Variants in SRGAP3 observed in about 807,000 individuals in gnomAD.
SRGAP3 encodes the protein SLIT-ROBO Rho GTPase-activating protein 3.
Under a neutral mutation model 121.1 loss-of-function variants are expected in SRGAP3, and 39 were observed. The observed-to-expected ratio is 0.32, with a 90% CI of 0.25 to 0.42. SRGAP3 has a LOEUF of 0.42. Among genes scored for constraint, SRGAP3 ranks in the 10% least tolerant of loss-of-function variants. The probability of loss-of-function intolerance (pLI) is 1.00; values close to 1 mark genes in which losing one functional copy is unlikely to be tolerated. For synonymous variants in SRGAP3, 601 were observed against 570.0 expected, an observed-to-expected ratio of 1.05 and a Z score of -0.77; for missense variants, 1,213 against 1,470.6, an observed-to-expected ratio of 0.82 and a Z score of 2.86.
intron 3 of SRGAP3, among the ~76,000 whole-genome samples, chr3:9,289,126 T>C (rs1184369574): frequency 6.6e-6 from 1 of 152,114 alleles, no homozygotes. Flanking sequence ...CTAGAACCCC[T>C]GACCTCAAGT....
intron 1 of SRGAP3, among the ~76,000 whole-genome samples, chr3:9,189,367 T>C (rs977530873): frequency 6.6e-5 from 10 of 152,252 alleles, no homozygotes; most frequent in African/African-American, 2.4e-4. Context: ...TCAAATCGTT[T>C]GTCCCGAGTC....
At chr3:9,064,108 C>A (rs1946306479) in intron 5 of SRGAP3, among the ~76,000 whole-genome samples, 1 of 152,208 alleles carries the variant, frequency 6.6e-6, no homozygotes, top group Admixed American at 6.5e-5. Flanking sequence ...GGGTGTGAAT[C>A]TCGTCACAGT....
At chr3:9,098,861 G>A (rs906054341) in intron 3 of SRGAP3, among the ~76,000 whole-genome samples, 2 of 152,150 alleles carry the variant, frequency 1.3e-5, no homozygotes, top group Non-Finnish European at 2.9e-5. Flanking sequence ...GATGATGACC[G>A]GCTTAGCAGG....
intron 3 of SRGAP3, among the ~76,000 whole-genome samples, chr3:9,260,899 T>G (rs1169994087): frequency 6.6e-6 from 1 of 152,240 alleles, no homozygotes; most frequent in Non-Finnish European, 1.5e-5. Flanking sequence ...CCGTGCCTCC[T>G]GACGGGGAGA....
chr3:9,175,130 C>G (rs1203136165), intron 1 of SRGAP3, among the ~76,000 whole-genome samples: 1 of 152,106 alleles, frequency 6.6e-6, no homozygotes, highest in Non-Finnish European at 1.5e-5. Flanking sequence ...TGTTTGTCAG[C>G]CAGATGTTCC....
chr3:9,316,599 G>A (rs1278669604), intron 3 of SRGAP3, among the ~76,000 whole-genome samples: 1 of 152,170 alleles, frequency 6.6e-6, no homozygotes, highest in South Asian at 2.1e-4. Flanking sequence ...GGCGGAGGTT[G>A]CAGTGAGCTG....
intron 3 of SRGAP3, among the ~76,000 whole-genome samples, chr3:9,302,595 C>T (rs1955080722): frequency 6.6e-6 from 1 of 152,172 alleles, no homozygotes; most frequent in Non-Finnish European, 1.5e-5. Flanking sequence ...GCTCTGAGCC[C>T]AGGGACATAC....
At chr3:9,050,500 T>A (rs753167908) in intron 9 of SRGAP3, among the ~76,000 whole-genome samples, 1 of 152,214 alleles carries the variant, frequency 6.6e-6, no homozygotes, top group Non-Finnish European at 1.5e-5. Context: ...TGCCATCAAA[T>A]TGCATTGATG....
At chr3:9,348,977 G>A in intron 1 of SRGAP3, 1 of 920,334 alleles carries the variant, frequency 1.1e-6, no homozygotes, top group Non-Finnish European at 1.8e-6. Context: ...GGGGAAGCAG[G>A]TACTAATTGC....
chr3:9,025,340 T>TA lies in SRGAP3; in HGVS notation c.1601-3dup. 6.2e-7 allele frequency: 1 copy of TA among 1,614,134 alleles called. No homozygotes were observed. Among genetic ancestry groups the TA allele is most frequent in the South Asian group, 1.1e-5 (1 of 91,074 alleles). On this transcript the variant is annotated splice_polypyrimidine_tract_variant and splice_region_variant and intron_variant, in intron 13 of 21. Transcript: ENST00000383836. ...TGAAGATCCCCTGCTGCTGGAGTCC[T>TA]AAAAAAGAAACATACAGAAAAAGAA...
chr3:9,319,496 A>G (rs1955405973), intron 3 of SRGAP3, among the ~76,000 whole-genome samples: 2 of 151,918 alleles, frequency 1.3e-5, no homozygotes, highest in South Asian at 4.1e-4. Flanking sequence ...CAGGCAGAGG[A>G]AAAAAACCAA....
intron 14 of SRGAP3, among the ~76,000 whole-genome samples, chr3:9,016,130 CACA>C (rs994250005): frequency 2.0e-4 from 31 of 152,244 alleles, no homozygotes; most frequent in African/African-American, 6.7e-4. Context: ...TGTATGTAAC[CACA>C]ACATTATTAC....
At chr3:9,339,438 A>G (rs2648549) in intron 1 of SRGAP3, among the ~76,000 whole-genome samples, 72,991 of 152,002 alleles carry the variant, frequency 0.48, 19,059 homozygotes, top group South Asian at 0.72. Context: ...GGGACTCAAT[A>G]AACACTAGTT....
At position 9,109,498 on chromosome 3, in the gene SRGAP3, G is replaced by A. The variant is rs1311984851; in HGVS notation, c.261-4656C>T. Among the ~76,000 whole-genome samples, 1 of 152,218 alleles carries A rather than the reference G, an allele frequency of 6.6e-6. No individual in the cohort carries two copies. Among genetic ancestry groups the A allele is most frequent in the African/African-American group, 2.4e-5 (1 of 41,450 alleles). On this transcript the variant is annotated intron_variant, in intron 2 of 21. Coordinates refer to ENST00000383836, the MANE Select transcript of SRGAP3 (RefSeq NM_014850.4). This position sits in a 1 kb window ranked among gnomAD's most constrained non-coding sequence, Gnocchi z 4.4. ...ACTCAAGTTGAAGTGAGCAGCTGCT[G>A]TGAAGATTCCTTCCAGCCCTCGTTC...
At chr3:9,224,816 G>A (rs1952932210) in intron 1 of SRGAP3, among the ~76,000 whole-genome samples, 1 of 152,202 alleles carries the variant, frequency 6.6e-6, no homozygotes, top group Non-Finnish European at 1.5e-5. Context: ...ACAGGGAGGG[G>A]CTGGCTGTGC....
At chr3:9,000,752 TG>T (rs1055195346) in intron 18 of SRGAP3, among the ~76,000 whole-genome samples, 2 of 152,130 alleles carry the variant, frequency 1.3e-5, no homozygotes, top group African/African-American at 4.8e-5. Flanking sequence ...ATCCCTATAA[TG>T]GGGACAGAAT....
Position 9,319,522 on chromosome 3 carries a change from G to A in SRGAP3, n.442+6488C>T, listed in dbSNP as rs530924216. ...AAAAAACCAAGAGACGGGATTCAAG[G>A]AAAGTAAAAGTTAACAGGTATGTAA... On this transcript the variant is annotated intron_variant and non_coding_transcript_variant, in intron 3 of 3. Coordinates refer to the SRGAP3 transcript ENST00000490889. Among the ~76,000 whole-genome samples the A allele has an allele frequency of 5.9e-5, 9 of 152,006 alleles. No individual in the cohort carries two copies. The East Asian group carries it at 1.2e-3, about 20-fold the overall frequency.
At chr3:9,221,357 C>T (rs1225343601) in intron 1 of SRGAP3, among the ~76,000 whole-genome samples, 4 of 152,236 alleles carry the variant, frequency 2.6e-5, no homozygotes, top group Admixed American at 1.3e-4. Flanking sequence ...AGAGCACGAC[C>T]CTGTTTCTAC....
chr3:9,192,610 C>T (rs1385692558), intron 1 of SRGAP3: 2 of 152,246 alleles, frequency 1.3e-5, no homozygotes, highest in African/African-American at 4.8e-5. Flanking sequence ...TGGACTCCGA[C>T]CTATGCACCT....
Sources: allele counts gnomAD v4.1 joint callset (sites outside exome capture counted in the v4.1 genomes callset), GRCh38; gene constraint gnomAD v4.1.1; non-coding constraint Gnocchi (gnomAD v3.1); transcripts MANE v1.5; gene names NCBI Gene and HGNC (gene_info 2026-07-23, HGNC 2026-07-21).